The following CXADR variants were observed in gnomAD, a reference collection of about 807,000 sequenced individuals.
The protein encoded by CXADR is coxsackievirus and adenovirus receptor.
A neutral mutation model predicts 40.3 loss-of-function variants in CXADR; 20 were observed. That is an observed-to-expected ratio of 0.50 (90% confidence interval 0.35 to 0.72). CXADR has a LOEUF of 0.72. CXADR is among the 30% of genes least tolerant of loss of function. CXADR has a pLI of 0.01. For synonymous variants in CXADR, 150 were observed against 161.3 expected, an observed-to-expected ratio of 0.93 and a Z score of 0.53; for missense variants, 332 against 449.1, an observed-to-expected ratio of 0.74 and a Z score of 2.36.
chr21:17,552,015 G>A (rs2060975681), intron 3 of CXADR, 62 bp downstream of exon 3: 1 of 1,232,704 alleles, frequency 8.1e-7, no homozygotes, highest in African/African-American at 1.5e-5. Context: ...TCATAGTACT[G>A]TAGTAGCAGC....
At chr21:17,573,950 C>G (rs2061300060), downstream of CXADR, among the ~76,000 whole-genome samples, 1 of 152,168 alleles carries the variant, frequency 6.6e-6, no homozygotes, top group Non-Finnish European at 1.5e-5. Context: ...TAAGTGAATC[C>G]TGCTGACAAG....
chr21:17,535,388 A>T (rs1488430943), intron 1 of CXADR, among the ~76,000 whole-genome samples: 1 of 151,796 alleles, frequency 6.6e-6, no homozygotes, highest in African/African-American at 2.4e-5. Context: ...TGTAGGTATG[A>T]ATTCTCACTA....
At chr21:17,581,825 G>T (rs1189121739) in intron 7 of CXADR, among the ~76,000 whole-genome samples, 4 of 274 alleles carry the variant, frequency 0.015, no homozygotes, top group African/African-American at 0.034. Flanking sequence ...AGCCTGGGGT[G>T]ACAAAGGCTA....
Position 17,559,080 on chromosome 21 carries a change from G to A in CXADR, c.520G>A (p.Glu174Lys). The A allele has an allele frequency of 1.9e-6, 3 of 1,614,064 alleles. No homozygotes were observed. The highest frequency in any genetic ancestry group is 2.5e-6 in the Non-Finnish European group (3 of 1,179,994). The change falls in exon 4 of 7, where the codon GAG becomes AAG. Residue 174 changes from glutamate to lysine, a missense_variant. Around this residue, in one of 3 missense-constraint regions of CXADR, gnomAD observed 20 missense variants for 56.4 expected, o/e 0.35. Transcript: ENST00000284878. ...AGAAGGTTCACTTCCATTACAGTAT[G>A]AGTGGCAAAAATTGTCTGACTCACA... is the stretch of plus-strand genomic sequence containing the variant. ...PKEGSLPLQY[E>K]WQKLSDSQKM...
the CXADR span, among the ~76,000 whole-genome samples, chr21:17,608,393 A>G: frequency 6.6e-6 from 1 of 151,918 alleles, no homozygotes; most frequent in Non-Finnish European, 1.5e-5. Flanking sequence ...AAACTCCCAG[A>G]AAAGCAAATC....
downstream of CXADR, among the ~76,000 whole-genome samples, chr21:17,572,711 T>TG (rs1169344704): frequency 6.6e-6 from 1 of 151,502 alleles, no homozygotes; most frequent in Admixed American, 6.6e-5. Flanking sequence ...CTAACGTTGT[T>TG]TTTTTTCCCC....
At chr21:17,556,623 T>C (rs1422994817) in intron 3 of CXADR, among the ~76,000 whole-genome samples, 1 of 152,192 alleles carries the variant, frequency 6.6e-6, no homozygotes, top group Non-Finnish European at 1.5e-5. Flanking sequence ...AGAACAAGGC[T>C]CATTTCATTG....
rs750692034 is a variant in CXADR at position 17,561,292 on chromosome 21, A to G, written c.695-46A>G. The G allele has an allele frequency of 5.0e-5, 57 of 1,133,188 alleles. 1 individual carries two copies. The highest frequency in any genetic ancestry group is 4.0e-4 in the South Asian group (24 of 60,422). 70.2% of individuals were successfully genotyped at this position (1,133,188 alleles called of 1,614,324 possible). On this transcript the variant is annotated intron_variant, in intron 5 of 6. Coordinates refer to ENST00000284878, the MANE Select transcript of CXADR (RefSeq NM_001338.5). ...TATAGCCTACCTTCAGTATCTATAC[A>G]TGTATATATGTATATATTTTTTACT...
At chr21:17,608,910 TC>T in the CXADR span, 2 of 1,504,966 alleles carry the variant, frequency 1.3e-6, no homozygotes, top group Non-Finnish European at 1.8e-6. Context: ...CCTTCAATCA[TC>T]CGGCCTTGAA....
At chr21:17,587,338 A>C (rs1379010955) in intron 7 of CXADR, among the ~76,000 whole-genome samples, 3 of 152,160 alleles carry the variant, frequency 2.0e-5, no homozygotes, top group East Asian at 1.9e-4. Flanking sequence ...TGGTTGAACT[A>C]GTTTACAGTC....
At chr21:17,538,159 G>T (rs752575934) in intron 1 of CXADR, among the ~76,000 whole-genome samples, 1 of 151,950 alleles carries the variant, frequency 6.6e-6, no homozygotes, top group Non-Finnish European at 1.5e-5. Context: ...GTGCCACCAC[G>T]TCCGGCTAAT....
the CXADR span, chr21:17,613,464 G>T: frequency 6.6e-6 from 1 of 152,328 alleles, no homozygotes; most frequent in Non-Finnish European, 1.5e-5. Context: ...CAGCCGCCCT[G>T]CTGTATTTTA....
At chr21:17,532,591 T>A (rs941955063) in intron 1 of CXADR, among the ~76,000 whole-genome samples, 49 of 152,226 alleles carry the variant, frequency 3.2e-4, no homozygotes, top group African/African-American at 1.0e-3. Flanking sequence ...TACATTTCAG[T>A]GTCATTTTTT....
intron 1 of CXADR, among the ~76,000 whole-genome samples, chr21:17,536,783 G>C (rs1354449665): frequency 6.6e-6 from 1 of 152,082 alleles, no homozygotes; most frequent in Non-Finnish European, 1.5e-5. Flanking sequence ...TTGAGACAGT[G>C]TCTCACTCTG....
chr21:17,551,304 G>A (rs930504166), intron 2 of CXADR, among the ~76,000 whole-genome samples: 3 of 152,134 alleles, frequency 2.0e-5, no homozygotes, highest in Admixed American at 1.3e-4. Context: ...GGAGGCAGAG[G>A]CGAGAGAATT....
intron 1 of CXADR, among the ~76,000 whole-genome samples, chr21:17,540,391 C>G (rs1230739675): frequency 1.3e-5 from 2 of 152,058 alleles, no homozygotes; most frequent in Non-Finnish European, 2.9e-5. Context: ...TTTGAAAGAC[C>G]TAATTTCATT....
chr21:17,559,906 T>G (rs960829075), intron 4 of CXADR, among the ~76,000 whole-genome samples: 16 of 151,884 alleles, frequency 1.1e-4, no homozygotes, highest in Admixed American at 8.5e-4. Flanking sequence ...CTCAAACTCC[T>G]GGGCTCAAGC....
At chr21:17,604,828 C>T in the CXADR span, 2 of 1,598,664 alleles carry the variant, frequency 1.3e-6, no homozygotes, top group Non-Finnish European at 1.7e-6. Flanking sequence ...CCAGCATGGT[C>T]ATCAGTTCAG....
intron 1 of CXADR, among the ~76,000 whole-genome samples, chr21:17,515,727 AC>A (rs1362066530): frequency 1.3e-5 from 2 of 150,588 alleles, no homozygotes; most frequent in African/African-American, 4.9e-5. Flanking sequence ...AATGGCGTGA[AC>A]CCGGGAGGCG....
Sources: gnomAD v4.1 joint callset for allele counts (sites outside exome capture counted in the v4.1 genomes callset) on GRCh38, gnomAD v4.1.1 for gene constraint, gnomAD v4.1.1 regional missense constraint, MANE v1.5 for transcripts, NCBI Gene and HGNC (gene_info 2026-07-23, HGNC 2026-07-21) for gene names.